CDH11: variants seen among roughly 807,000 people sequenced by gnomAD.
CDH11 encodes cadherin-11.
A neutral mutation model predicts 67.8 loss-of-function variants in CDH11; 11 were observed. That is an observed-to-expected ratio of 0.16 (90% CI 0.10 to 0.27). The LOEUF is 0.27. CDH11 is among the 10% of genes least tolerant of loss of function. The pLI is 1.00. For synonymous variants in CDH11, 419 were observed against 400.0 expected (o/e 1.05, Z -0.57); for missense variants, 847 against 1,031.2 (o/e 0.82, Z 2.45).
chr16:64,967,723 A>G (rs543172966), intron 11 of CDH11, among the ~76,000 whole-genome samples: 1 of 152,264 alleles, frequency 6.6e-6, no homozygotes, highest in African/African-American at 2.4e-5. Flanking sequence ...TATGCAAAGA[A>G]AGGATACACA....
At chr16:65,033,452 C>T (rs2073686819) in intron 2 of CDH11, among the ~76,000 whole-genome samples, 1 of 152,226 alleles carries the variant, frequency 6.6e-6, no homozygotes, top group Admixed American at 6.5e-5. Flanking sequence ...AAAAATTTAG[C>T]ACCAGTGGTC....
chr16:65,112,944 G>A lies in CDH11; in HGVS notation c.-298+8936C>T, dbSNP rs137960793. Reference sequence around the variant, plus strand: ...ACATAAACAAATGAACTAATGATACGTTTACAAAGAAATCAGACCACAGGT... The same window carrying A: ...ACATAAACAAATGAACTAATGATACATTTACAAAGAAATCAGACCACAGGT... On this transcript the variant is annotated intron_variant, in intron 1 of 12. Transcript: ENST00000268603. Among the ~76,000 whole-genome samples the A allele has an allele frequency of 6.7e-3, 1,015 of 152,188 alleles. 15 individuals are homozygous for A. The highest frequency in any genetic ancestry group is 0.023 in the African/African-American group (963 of 41,530).
At chr16:65,031,740 A>T (rs1467656689) in intron 2 of CDH11, among the ~76,000 whole-genome samples, 1 of 152,164 alleles carries the variant, frequency 6.6e-6, no homozygotes, top group Non-Finnish European at 1.5e-5. Context: ...AATGATAACC[A>T]TAATTATAAT....
At position 64,950,692 on chromosome 16, in the gene CDH11, T is replaced by G. The variant is rs921917102; in HGVS notation, c.1894+75A>C. The G allele has an allele frequency of 6.5e-6, 10 of 1,542,154 alleles. No individual in the cohort carries two copies. In the African/African-American group the frequency reaches 1.4e-4, roughly 21 times the overall value. On this transcript the variant is annotated intron_variant, in intron 12 of 12. Transcript: ENST00000268603. The stretch of plus-strand genomic sequence containing the variant: ...CAGGGTCCTGGTTACCAGCCTGTAT[T>G]TGAGAAGCATGTGTTTCAAGGAGGG...
At chr16:65,113,724 T>C (rs746126427) in intron 1 of CDH11, among the ~76,000 whole-genome samples, 1 of 152,140 alleles carries the variant, frequency 6.6e-6, no homozygotes, top group African/African-American at 2.4e-5. Context: ...AGCAGCCTGA[T>C]ATGGTGACTA....
chr16:65,121,891 G>A lies in CDH11; in HGVS notation c.-309C>T, dbSNP rs2075338612. ...GCGGCGCACCTCACCTGGGGCCCTT[G>A]AGGGTGGACGCAACCTCCGAGCCGC... On this transcript the variant is annotated 5_prime_UTR_variant, in exon 1 of 13. The change creates a premature stop within an existing upstream ORF in the 5' untranslated region. Coordinates refer to ENST00000268603, the MANE Select transcript of CDH11 (RefSeq NM_001797.4). This position sits in a 1 kb window ranked among gnomAD's most constrained non-coding sequence, Gnocchi z 4.1. 1.4e-6 allele frequency: 1 copy of A among 701,984 alleles called. No homozygotes were observed. The highest frequency in any genetic ancestry group is 2.0e-5 in the Admixed American group (1 of 50,004). 43.5% of individuals were successfully genotyped at this position (701,984 alleles called of 1,614,324 possible).
intron 1 of CDH11, among the ~76,000 whole-genome samples, chr16:65,108,020 C>T (rs2075093773): frequency 6.6e-6 from 1 of 152,170 alleles, no homozygotes; most frequent in Non-Finnish European, 1.5e-5. Flanking sequence ...AACTTGCTGA[C>T]AGGTGATCTT....
In CDH11 at chr16:64,946,912, A is replaced by G. The variant is rs766006653; in HGVS notation, c.*691T>C. The stretch of plus-strand genomic sequence containing the variant: ...CTTACATGTCAGAATACTGATATTT[A>G]TACGTATACTAAAATAAGAACTTTA... On this transcript the variant is annotated 3_prime_UTR_variant, in exon 13 of 13. Coordinates refer to ENST00000268603, the MANE Select transcript of CDH11 (RefSeq NM_001797.4). 2.5e-6 allele frequency: 2 copies of G among 802,878 alleles called. No homozygotes were observed. The highest frequency in any genetic ancestry group is 1.5e-6 in the Non-Finnish European group (1 of 652,176). 49.7% of individuals were successfully genotyped at this position (802,878 alleles called of 1,614,324 possible).
At chr16:65,070,973 A>T (rs919127968) in intron 1 of CDH11, among the ~76,000 whole-genome samples, 2 of 152,216 alleles carry the variant, frequency 1.3e-5, no homozygotes, top group African/African-American at 4.8e-5. Context: ...AGCCAAATGC[A>T]TGAGTCATGC....
chr16:65,042,440 C>CT (rs1353910658), intron 2 of CDH11, among the ~76,000 whole-genome samples: 2 of 152,058 alleles, frequency 1.3e-5, no homozygotes, highest in Non-Finnish European at 2.9e-5. Flanking sequence ...TGTGAGGAGA[C>CT]TTCCAAGACT....
upstream of CDH11, chr16:65,122,171 G>A (rs1422332927): frequency 7.2e-6 from 4 of 554,878 alleles, no homozygotes; most frequent in Admixed American, 1.0e-4. Context: ...GCCGCTGTGA[G>A]GGAAGGAAAG....
At chr16:65,051,768 C>A (rs1307757163) in intron 2 of CDH11, among the ~76,000 whole-genome samples, 1 of 152,138 alleles carries the variant, frequency 6.6e-6, no homozygotes, top group African/African-American at 2.4e-5. Flanking sequence ...ACATATGCTT[C>A]TCTTCTCTCT....
Position 64,947,925 on chromosome 16 carries a change from A to T in CDH11, c.2069T>A (p.Phe690Tyr), listed in dbSNP as rs780091829. The stretch of plus-strand genomic sequence containing the variant: ...AGGTTTGATGTCTTTGCGGGGGATA[A>T]ATCCATTGATACCATCAGGATTCTG... The part of the protein sequence containing the change: ...TLQNPDGING[F>Y]IPRKDIKPEY... Residue 690 changes from phenylalanine to tyrosine, a missense_variant, in exon 13 of 13, where the codon TTT (phenylalanine) becomes TAT (tyrosine). Transcript: ENST00000268603. 1 of 1,614,110 alleles carries T rather than the reference A, an allele frequency of 6.2e-7. No homozygotes were observed. Among genetic ancestry groups the T allele is most frequent in the Admixed American group, 1.7e-5 (1 of 60,016 alleles).
intron 8 of CDH11, among the ~76,000 whole-genome samples, chr16:64,974,989 AT>A (rs1005041861): frequency 1.3e-4 from 19 of 151,848 alleles, no homozygotes; most frequent in African/African-American, 4.4e-4. Context: ...TGGAATGCGT[AT>A]TTTTTTTCCC....
chr16:64,952,118 A>C (rs1450963792), intron 11 of CDH11, among the ~76,000 whole-genome samples: 4 of 152,068 alleles, frequency 2.6e-5, no homozygotes. Flanking sequence ...CTTTTTATCC[A>C]CTACTGTCTT....
intron 12 of CDH11, 152 bp downstream of exon 12, chr16:64,950,615 C>T: frequency 2.3e-6 from 2 of 884,874 alleles, no homozygotes; most frequent in Non-Finnish European, 3.3e-6. Context: ...CCACAACGCC[C>T]ACCCCGCCCC....
intron 11 of CDH11, among the ~76,000 whole-genome samples, chr16:64,960,637 T>C (rs944471202): frequency 1.2e-4 from 18 of 152,200 alleles, no homozygotes; most frequent in African/African-American, 4.1e-4. Context: ...TCCCTGCACA[T>C]GGACATGTGA....
rs540904491 is a variant in CDH11 at position 65,090,355 on chromosome 16, A to G, written c.-298+31525T>C. Among the ~76,000 whole-genome samples, 5 of 152,238 alleles carry G rather than the reference A, an allele frequency of 3.3e-5. No individual in the cohort carries two copies. The South Asian group carries it at 1.0e-3, about 32-fold the overall frequency. ...TGTGTCTCTCAGTTGATTATGCTGG[A>G]TACTTCATTCTGCCCCTTATCACCA... On this transcript the variant is annotated intron_variant, in intron 1 of 12. Transcript: ENST00000268603.
rs145333567 is a variant in CDH11, at chr16:65,114,675, A to G, written c.-298+7205T>C. ...CAGGCAGGAGGGAACGCCAGCCTGG[A>G]GCAAGAACAGATGACACCGGCGAGC... On this transcript the variant is annotated intron_variant, in intron 1 of 12. Coordinates refer to ENST00000268603, the MANE Select transcript of CDH11 (RefSeq NM_001797.4). Among the ~76,000 whole-genome samples the G allele has an allele frequency of 4.1e-3, 617 of 152,266 alleles. 6 individuals carry two copies. The highest frequency in any genetic ancestry group is 0.014 in the African/African-American group (587 of 41,538).
Sources: allele counts gnomAD v4.1 joint callset (sites outside exome capture counted in the v4.1 genomes callset), GRCh38; gene constraint gnomAD v4.1.1; non-coding constraint Gnocchi (gnomAD v3.1); transcripts MANE v1.5; gene names NCBI Gene and HGNC (gene_info 2026-07-23, HGNC 2026-07-21).